The following ZNF385D variants were observed in gnomAD, a reference collection of about 807,000 sequenced individuals.
ZNF385D encodes zinc finger protein 659.
ZNF385D carries 15 observed loss-of-function variants against 35.8 expected under a neutral mutation model. The ratio of observed to expected loss-of-function variants is 0.42; its 90% confidence interval spans 0.28 to 0.64. The LOEUF (loss-of-function observed/expected upper bound fraction) is 0.64. ZNF385D is among the 30% of genes least tolerant of loss of function. The pLI is 0.23. For missense variants in ZNF385D, 474 were observed against 494.6 expected, an observed-to-expected ratio of 0.96 and a Z score of 0.39; for synonymous variants, 212 against 186.8, an observed-to-expected ratio of 1.13 and a Z score of -1.10.
intron 3 of ZNF385D, among the ~76,000 whole-genome samples, chr3:21,974,289 T>C (rs1175892888): frequency 1.3e-5 from 2 of 152,004 alleles, no homozygotes; most frequent in South Asian, 2.1e-4. Flanking sequence ...AGTGAACTTA[T>C]TTTCAACAAA....
intron 3 of ZNF385D, among the ~76,000 whole-genome samples, chr3:22,038,271 T>C (rs1346012856): frequency 6.6e-6 from 1 of 152,196 alleles, no homozygotes; most frequent in Non-Finnish European, 1.5e-5. Context: ...AGAGATGGGC[T>C]CTTAAATTAA....
chr3:21,859,084 G>A (rs182614954), intron 3 of ZNF385D, among the ~76,000 whole-genome samples: 7 of 152,130 alleles, frequency 4.6e-5, no homozygotes, highest in African/African-American at 1.7e-4. Flanking sequence ...TCATATCTGA[G>A]GTTTGAGGAA....
At chr3:21,975,702 A>AATATAT (rs56303677) in intron 3 of ZNF385D, among the ~76,000 whole-genome samples, 72 of 123,972 alleles carry the variant, frequency 5.8e-4, no homozygotes, top group East Asian at 2.6e-3. Context: ...GTACCCACGA[A>AATATAT]ATATATATAT....
At chr3:21,880,146 A>G (rs1698201944) in intron 3 of ZNF385D, among the ~76,000 whole-genome samples, 2 of 151,970 alleles carry the variant, frequency 1.3e-5, no homozygotes, top group Non-Finnish European at 2.9e-5. Flanking sequence ...GAAGCATAAA[A>G]TGACTATAAA....
chr3:21,725,882 A>T (rs2068741855), intron 1 of ZNF385D, among the ~76,000 whole-genome samples: 1 of 152,138 alleles, frequency 6.6e-6, no homozygotes, highest in South Asian at 2.1e-4. Context: ...TAACAAAAAA[A>T]ATTTCAGGCC....
At chr3:22,265,801 T>C (rs950094721) in intron 2 of ZNF385D, among the ~76,000 whole-genome samples, 5 of 151,998 alleles carry the variant, frequency 3.3e-5, no homozygotes, top group African/African-American at 1.2e-4. Context: ...TAACATTTGC[T>C]GCCTCATTTT....
intron 4 of ZNF385D, among the ~76,000 whole-genome samples, chr3:21,455,034 T>A (rs1702705593): frequency 6.6e-6 from 1 of 152,116 alleles, no homozygotes; most frequent in African/African-American, 2.4e-5. Context: ...ACAAGGGATG[T>A]GAAGGACCTC....
At chr3:22,133,375 T>C (rs1703914268) in intron 3 of ZNF385D, among the ~76,000 whole-genome samples, 1 of 151,820 alleles carries the variant, frequency 6.6e-6, no homozygotes. Flanking sequence ...ATATGGGGTG[T>C]GCCTGTGTGT....
At chr3:22,100,099 C>T (rs36156597) in intron 3 of ZNF385D, among the ~76,000 whole-genome samples, 17,091 of 148,422 alleles carry the variant, frequency 0.12, 1,139 homozygotes, top group Non-Finnish European at 0.16. Context: ...CCATCACTGG[C>T]CATCAGAGAA....
chr3:22,006,042 G>A (rs865965680), intron 3 of ZNF385D, among the ~76,000 whole-genome samples: 1 of 151,970 alleles, frequency 6.6e-6, no homozygotes, highest in South Asian at 2.1e-4. Context: ...AGAAAGAATA[G>A]CAGCTTTTGT....
At chr3:22,295,015 A>G (rs1281770857) in intron 2 of ZNF385D, among the ~76,000 whole-genome samples, 6 of 152,118 alleles carry the variant, frequency 3.9e-5, no homozygotes, top group Non-Finnish European at 5.9e-5. Context: ...GTTTCACTCT[A>G]GGATTATAAT....
chr3:22,013,919 C>T (rs1028454799), intron 3 of ZNF385D, among the ~76,000 whole-genome samples: 22 of 152,040 alleles, frequency 1.4e-4, no homozygotes, highest in African/African-American at 3.6e-4. Flanking sequence ...TTCAAGAATG[C>T]TGAGTTAAGA....
intron 4 of ZNF385D, among the ~76,000 whole-genome samples, chr3:21,495,400 T>G (rs1331659348): frequency 6.6e-6 from 1 of 151,972 alleles, no homozygotes; most frequent in Non-Finnish European, 1.5e-5. Flanking sequence ...CCTAAGAATA[T>G]CACTCAAAAC....
At chr3:21,875,553 T>C (rs536951352) in intron 3 of ZNF385D, among the ~76,000 whole-genome samples, 1 of 152,224 alleles carries the variant, frequency 6.6e-6, no homozygotes, top group East Asian at 1.9e-4. Context: ...TTTCAAAAAG[T>C]CACTCTACAG....
chr3:21,730,274 A>G (rs967600008), intron 1 of ZNF385D, among the ~76,000 whole-genome samples: 1 of 152,230 alleles, frequency 6.6e-6, no homozygotes, highest in African/African-American at 2.4e-5. Context: ...ATGAGCCTTA[A>G]CCACAAACAT....
intron 1 of ZNF385D, among the ~76,000 whole-genome samples, chr3:21,738,992 A>G (rs1220995857): frequency 6.6e-6 from 1 of 152,198 alleles, no homozygotes; most frequent in Non-Finnish European, 1.5e-5. Flanking sequence ...ACCAGTGATA[A>G]TAGAAAAACA....
intron 5 of ZNF385D, 83 bp from the exon 6 acceptor site, chr3:21,425,753 A>T: frequency 3.0e-6 from 4 of 1,338,040 alleles, no homozygotes; most frequent in South Asian, 1.6e-5. Flanking sequence ...GAGGAAAAAA[A>T]TCTTAGCTAG....
At chr3:22,157,386 G>A (rs719609) in intron 3 of ZNF385D, among the ~76,000 whole-genome samples, 26,323 of 151,820 alleles carry the variant, frequency 0.17, 2,920 homozygotes, top group Middle Eastern at 0.26. Flanking sequence ...TAGCAGACCC[G>A]TTGTCTTCCT....
At chr3:22,356,493 C>T (rs1696155348) in intron 2 of ZNF385D, among the ~76,000 whole-genome samples, 1 of 151,840 alleles carries the variant, frequency 6.6e-6, no homozygotes, top group Non-Finnish European at 1.5e-5. Flanking sequence ...CAATGTTGTC[C>T]TTGGCTATAG....
Sources: allele counts gnomAD v4.1 joint callset (sites outside exome capture counted in the v4.1 genomes callset), GRCh38; gene constraint gnomAD v4.1.1; transcripts MANE v1.5; gene names NCBI Gene and HGNC (gene_info 2026-07-23, HGNC 2026-07-21).